Variants in TRIM69 observed in about 807,000 individuals in gnomAD.
TRIM69 encodes E3 ubiquitin-protein ligase TRIM69.
TRIM69 carries 29 observed loss-of-function variants against 37.7 expected under a neutral mutation model. The observed-to-expected ratio is 0.77, with a 90% CI of 0.57 to 1.05. The LOEUF (loss-of-function observed/expected upper bound fraction) is 1.05, where lower values mean the gene tolerates loss of function less well. Among genes scored for constraint, TRIM69 ranks in the 50% least tolerant of loss-of-function variants. The pLI is 0.00. For missense variants in TRIM69, 596 were observed against 579.9 expected, an observed-to-expected ratio of 1.03 and a Z score of -0.28; for synonymous variants, 209 against 212.4, an observed-to-expected ratio of 0.98 and a Z score of 0.14.
intron 6 of TRIM69, 89 bp downstream of exon 6, chr15:44,759,961 A>G: frequency 1.3e-6 from 2 of 1,485,684 alleles, no homozygotes; most frequent in Non-Finnish European, 9.2e-7. Context: ...TTAAGTTTTT[A>G]CAGTCTGGGA....
At chr15:44,739,083 T>C (rs997277714) in intron 1 of TRIM69, among the ~76,000 whole-genome samples, 2 of 152,238 alleles carry the variant, frequency 1.3e-5, no homozygotes, top group African/African-American at 4.8e-5. Context: ...ATTTATAGCA[T>C]ATTCACAAAG....
intron 3 of TRIM69, 58 bp downstream of exon 3, chr15:44,756,521 T>A (rs2087652277): frequency 5.1e-6 from 6 of 1,183,096 alleles, no homozygotes; most frequent in East Asian, 5.1e-5. Context: ...TCCATGTAAC[T>A]TCAGCTATGG....
chr15:44,764,432 T>C (rs1215330356), intron 6 of TRIM69, among the ~76,000 whole-genome samples: 9 of 152,226 alleles, frequency 5.9e-5, no homozygotes, highest in Non-Finnish European at 7.3e-5. Context: ...TCTTTGCTTA[T>C]TTTGTAGATC....
At position 44,755,033 on chromosome 15, in the gene TRIM69, G is replaced by A. The variant is rs144379917; in HGVS notation, c.140G>A (p.Trp47Ter). The change falls in exon 2 of 7, where the codon TGG (tryptophan) becomes TAG (stop). Residue 47 changes from tryptophan to a stop codon, truncating the protein, a stop_gained. Coordinates refer to ENST00000329464, the MANE Select transcript of TRIM69 (RefSeq NM_182985.5). LOFTEE classifies it high-confidence loss of function. Reference sequence around the variant, plus strand: ...CTACACTGCCCTCTGTGCAATGATTGGTTCCGAGACCCACTGATGCTAAGC... The same window carrying A: ...CTACACTGCCCTCTGTGCAATGATTAGTTCCGAGACCCACTGATGCTAAGC... ...MELHCPLCND[W>*]FRDPLMLSCG... The A allele has an allele frequency of 1.9e-6, 3 of 1,614,206 alleles. No individual in the cohort carries two copies. Among genetic ancestry groups the A allele is most frequent in the Non-Finnish European group, 1.7e-6 (2 of 1,180,016 alleles).
intron 1 of TRIM69, among the ~76,000 whole-genome samples, chr15:44,744,887 C>CA: frequency 6.6e-6 from 1 of 152,100 alleles, no homozygotes; most frequent in South Asian, 2.1e-4. Flanking sequence ...CATTTAAAAG[C>CA]AAATGTTTTT....
chr15:44,756,093 T>C (rs1412086112), intron 2 of TRIM69, among the ~76,000 whole-genome samples: 1 of 152,196 alleles, frequency 6.6e-6, no homozygotes, highest in Non-Finnish European at 1.5e-5. Flanking sequence ...GGTCTCACTA[T>C]GTTGCCCAGG....
At chr15:44,762,931 C>T (rs2087808584) in intron 6 of TRIM69, among the ~76,000 whole-genome samples, 1 of 151,880 alleles carries the variant, frequency 6.6e-6, no homozygotes, top group Non-Finnish European at 1.5e-5. Context: ...TTTTTTAGGA[C>T]ACTTTTAGAT....
At chr15:44,751,839 G>A (rs2087539897) in intron 1 of TRIM69, among the ~76,000 whole-genome samples, 2 of 152,072 alleles carry the variant, frequency 1.3e-5, no homozygotes, top group Admixed American at 1.3e-4. Context: ...TCCACTTCCT[G>A]GGTTCAGGTG....
chr15:44,757,072 C>T (rs561324155), intron 3 of TRIM69: 2 of 152,232 alleles, frequency 1.3e-5, no homozygotes, highest in African/African-American at 4.8e-5. Context: ...GGAGAAGAGC[C>T]TTCTCAGGTA....
At chr15:44,744,601 A>G (rs931331944) in intron 1 of TRIM69, among the ~76,000 whole-genome samples, 2 of 152,190 alleles carry the variant, frequency 1.3e-5, no homozygotes, top group Non-Finnish European at 1.5e-5. Flanking sequence ...TAATAATTAA[A>G]TAAAACCTTG....
rs535599088 is a variant in TRIM69, at chr15:44,767,556, G to A, written c.1287G>A (p.Leu429=). The change falls in exon 7 of 7, where the codon TTG becomes TTA. Residue 429 remains leucine, a synonymous_variant. Coordinates refer to ENST00000329464, the MANE Select transcript of TRIM69 (RefSeq NM_182985.5). ...AAACTGATCTAAAGGCTCTGGATTT[G>A]CCTTCTTTCAGTCTGACACTGACTA... ...RNQTDLKALD[L]PSFSLTLTNN... is the part of the protein sequence containing the mutation. The A allele has an allele frequency of 5.1e-5, 83 of 1,614,186 alleles. 1 individual carries two copies. The East Asian group carries it at 1.8e-3, about 35-fold the overall frequency.
In TRIM69 at chr15:44,767,390, C is replaced by T. The variant is rs151051317; in HGVS notation, c.1121C>T (p.Thr374Ile). 4.3e-6 allele frequency: 7 copies of T among 1,614,100 alleles called. No homozygotes were observed. The highest frequency in any genetic ancestry group is 1.6e-4 in the Middle Eastern group (1 of 6,062). ...SVAVLGSRGF[T>I]SGKWYWEVEV... is the part of the protein sequence containing the mutation. ...GCTGTACTGGGCTCAAGAGGCTTCA[C>T]CTCTGGAAAGTGGTACTGGGAAGTA... The change falls in exon 7 of 7, where the codon ACC (threonine) becomes ATC (isoleucine). Residue 374 changes from threonine (T) to isoleucine (I), a missense_variant. Transcript: ENST00000329464.
intron 1 of TRIM69, among the ~76,000 whole-genome samples, chr15:44,750,878 C>T (rs1044045599): frequency 1.3e-5 from 2 of 149,764 alleles, no homozygotes; most frequent in African/African-American, 4.9e-5. Flanking sequence ...GCGCCTGCCA[C>T]CACGCCTGGC....
Position 44,767,642 on chromosome 15 carries a change from A to G in TRIM69, c.1373A>G (p.Asn458Ser). 3 of 1,614,192 alleles carry G rather than the reference A, an allele frequency of 1.9e-6. No individual in the cohort carries two copies. The highest frequency in any genetic ancestry group is 2.5e-6 in the Non-Finnish European group (3 of 1,180,032). Reference sequence around the variant, plus strand: ...GAAGGAGGACAGTTGTCCTTCTACAATGCTAAAACCATGACTCACATTTAC... The same window carrying G: ...GAAGGAGGACAGTTGTCCTTCTACAGTGCTAAAACCATGACTCACATTTAC... ...DYEGGQLSFY[N>S]AKTMTHIYTF... The change falls in exon 7 of 7, where the codon AAT (asparagine) becomes AGT (serine). Residue 458 changes from asparagine to serine, a missense_variant. Asn to Ser is a conservative substitution (Grantham distance 46). Transcript: ENST00000329464.
chr15:44,751,937 T>A (rs947846304), intron 1 of TRIM69, among the ~76,000 whole-genome samples: 1 of 151,674 alleles, frequency 6.6e-6, no homozygotes, highest in Non-Finnish European at 1.5e-5. Flanking sequence ...GTATTTTTGG[T>A]AGAGACAGGG....
At position 44,736,624 on chromosome 15, in the gene TRIM69, G is replaced by A; in HGVS notation, c.-81G>A. On this transcript the variant is annotated 5_prime_UTR_variant, in exon 1 of 7. Coordinates refer to ENST00000329464, the MANE Select transcript of TRIM69 (RefSeq NM_182985.5). The stretch of plus-strand genomic sequence containing the variant: ...ATTCCTTGAAAACTAAAAGGTCCCT[G>A]ACTCCCAGTCTGCAGCCATCCTGGG... 1.9e-6 allele frequency: 3 copies of A among 1,557,038 alleles called. No homozygotes were observed. The highest frequency in any genetic ancestry group is 2.6e-6 in the Non-Finnish European group (3 of 1,147,314).
chr15:44,739,293 G>A (rs898845117), intron 1 of TRIM69, among the ~76,000 whole-genome samples: 28 of 152,220 alleles, frequency 1.8e-4, no homozygotes, highest in Admixed American at 1.1e-3. Flanking sequence ...AGCTCCCAGC[G>A]TGAGCGATGC....
At chr15:44,762,775 A>T (rs1239617842) in intron 6 of TRIM69, among the ~76,000 whole-genome samples, 1 of 152,150 alleles carries the variant, frequency 6.6e-6, no homozygotes, top group African/African-American at 2.4e-5. Context: ...AATGGAAGAC[A>T]TTTATCCATT....
At chr15:44,754,638 G>T (rs557270578) in intron 1 of TRIM69, 2 of 403,694 alleles carry the variant, frequency 5.0e-6, no homozygotes, top group East Asian at 7.5e-5. Context: ...AGTGGGTAAA[G>T]AGAGAGATGT....
Sources: gnomAD v4.1 joint callset for allele counts (sites outside exome capture counted in the v4.1 genomes callset) on GRCh38, gnomAD v4.1.1 for gene constraint, MANE v1.5 for transcripts, NCBI Gene and HGNC (gene_info 2026-07-23, HGNC 2026-07-21) for gene names.